Variants in CLNK observed in about 807,000 individuals in gnomAD.
CLNK encodes the protein cytokine dependent hematopoietic cell linker, also known as cytokine-dependent hematopoietic cell linker.
A neutral mutation model predicts 68.6 loss-of-function variants in CLNK; 74 were observed. The observed-to-expected ratio is 1.08, with a 90% CI of 0.89 to 1.31. The LOEUF is 1.31. Ranked by LOEUF, CLNK falls within the 50% of genes most tolerant of loss-of-function variation. The pLI, the probability that CLNK is intolerant of heterozygous loss-of-function variation, is 0.00. For synonymous variants in CLNK, 198 were observed against 172.2 expected, an observed-to-expected ratio of 1.15 and a Z score of -1.17; for missense variants, 553 against 515.3, an observed-to-expected ratio of 1.07 and a Z score of -0.71.
chr4:10,531,381 A>T (rs1022508360), intron 12 of CLNK: 2 of 153,166 alleles, frequency 1.3e-5, no homozygotes, highest in African/African-American at 4.8e-5. Flanking sequence ...ACTTTATCAC[A>T]TCAACTTTGC....
chr4:10,612,969 G>A (rs1722088305), intron 2 of CLNK, among the ~76,000 whole-genome samples: 1 of 152,166 alleles, frequency 6.6e-6, no homozygotes, highest in African/African-American at 2.4e-5. Flanking sequence ...AAGTATTTAG[G>A]CTAGAAATTT....
intron 17 of CLNK, among the ~76,000 whole-genome samples, chr4:10,507,307 T>A (rs1717344794): frequency 6.6e-6 from 1 of 151,992 alleles, no homozygotes; most frequent in East Asian, 1.9e-4. Flanking sequence ...AGATGAGGTT[T>A]CACCATGTTG....
chr4:10,529,352 T>A (rs1718441821), intron 12 of CLNK, among the ~76,000 whole-genome samples: 1 of 152,170 alleles, frequency 6.6e-6, no homozygotes, highest in Non-Finnish European at 1.5e-5. Context: ...ACAGATGAGG[T>A]CCCAAAGGGT....
intron 1 of CLNK, among the ~76,000 whole-genome samples, chr4:10,671,588 G>A (rs1376283759): frequency 1.3e-5 from 2 of 152,120 alleles, no homozygotes; most frequent in Non-Finnish European, 2.9e-5. Context: ...GGTGAAGTCA[G>A]TCAGAAAGAG....
chr4:10,573,750 G>T (rs1720441822), intron 4 of CLNK, among the ~76,000 whole-genome samples: 1 of 152,104 alleles, frequency 6.6e-6, no homozygotes, highest in Non-Finnish European at 1.5e-5. Flanking sequence ...GAGCTGCGGG[G>T]TCTCCTTTCT....
At chr4:10,583,529 C>A (rs571144796) in intron 4 of CLNK, among the ~76,000 whole-genome samples, 1 of 152,294 alleles carries the variant, frequency 6.6e-6, no homozygotes, top group South Asian at 2.1e-4. Flanking sequence ...TTGTGATCCG[C>A]CTGCTTTGGC....
the CLNK span, among the ~76,000 whole-genome samples, chr4:10,699,494 C>CTCTCTA: frequency 1.1e-4 from 6 of 56,990 alleles, no homozygotes; most frequent in African/African-American, 1.8e-4. Flanking sequence ...CTCTCTCTCT[C>CTCTCTA]TATATATATA....
intron 16 of CLNK, 25 bp downstream of exon 16, chr4:10,513,439 A>G: frequency 1.2e-5 from 19 of 1,603,138 alleles, no homozygotes; most frequent in Non-Finnish European, 1.5e-5. Flanking sequence ...ATCTAGAAGG[A>G]CTTGGCAGAG....
intron 1 of CLNK, among the ~76,000 whole-genome samples, chr4:10,679,787 C>A (rs1225010000): frequency 1.3e-5 from 2 of 152,172 alleles, no homozygotes; most frequent in African/African-American, 2.4e-5. Flanking sequence ...CACTGGCCAT[C>A]AGAGAAATGC....
intron 8 of CLNK, among the ~76,000 whole-genome samples, chr4:10,550,858 C>A (rs1719419306): frequency 6.6e-6 from 1 of 152,214 alleles, no homozygotes; most frequent in South Asian, 2.1e-4. Context: ...TCAGAACTGT[C>A]AGCATCACTG....
At chr4:10,532,373 A>C (rs1355165720) in intron 11 of CLNK, 90 bp from the exon 12 acceptor site, 35 of 1,053,064 alleles carry the variant, frequency 3.3e-5, no homozygotes, top group Non-Finnish European at 5.0e-5. Flanking sequence ...CTTTCATTAC[A>C]TTTTCATTGC....
chr4:10,662,724 T>C (rs1361380671), intron 2 of CLNK, among the ~76,000 whole-genome samples: 1 of 152,206 alleles, frequency 6.6e-6, no homozygotes, highest in South Asian at 2.1e-4. Flanking sequence ...TTCTAAAATT[T>C]TAAGATATTA....
chr4:10,710,585 G>A, the CLNK span, among the ~76,000 whole-genome samples: 1 of 152,208 alleles, frequency 6.6e-6, no homozygotes, highest in East Asian at 1.9e-4. Context: ...GGCAGGCACA[G>A]TTCTTGCCCC....
chr4:10,609,692 T>C (rs1466142556), intron 2 of CLNK, among the ~76,000 whole-genome samples: 5 of 152,240 alleles, frequency 3.3e-5, no homozygotes, highest in Non-Finnish European at 7.3e-5. Flanking sequence ...TGTTCTAGAA[T>C]AGACCAGCAC....
chr4:10,732,798 C>G, the CLNK span, among the ~76,000 whole-genome samples: 1 of 151,422 alleles, frequency 6.6e-6, no homozygotes, highest in African/African-American at 2.4e-5. Context: ...TTTTTTCTCT[C>G]TCTCCCTCCT....
chr4:10,664,859 T>C (rs949284558), intron 2 of CLNK, among the ~76,000 whole-genome samples: 38 of 152,238 alleles, frequency 2.5e-4, no homozygotes, highest in African/African-American at 9.2e-4. Flanking sequence ...TGCCAGCTTA[T>C]GCATTTCTCT....
chr4:10,527,636 T>C (rs1718371563), intron 13 of CLNK, among the ~76,000 whole-genome samples: 1 of 152,248 alleles, frequency 6.6e-6, no homozygotes, highest in African/African-American at 2.4e-5. Context: ...TTGGATTGCA[T>C]GCTTGCATAA....
At chr4:10,498,014 G>T (rs895711525) in intron 18 of CLNK, among the ~76,000 whole-genome samples, 1 of 152,024 alleles carries the variant, frequency 6.6e-6, no homozygotes, top group African/African-American at 2.4e-5. Flanking sequence ...TGACCAACAT[G>T]GAGCAACCCT....
intron 4 of CLNK, among the ~76,000 whole-genome samples, chr4:10,583,280 T>C (rs944715743): frequency 2.0e-5 from 3 of 151,380 alleles, no homozygotes; most frequent in African/African-American, 7.3e-5. Context: ...TCTCTCTCTC[T>C]TTTTTTTTCT....
Sources: gnomAD v4.1 joint callset for allele counts (sites outside exome capture counted in the v4.1 genomes callset) on GRCh38, gnomAD v4.1.1 for gene constraint, MANE v1.5 for transcripts, NCBI Gene and HGNC (gene_info 2026-07-23, HGNC 2026-07-21) for gene names.